Variants in GPNMB observed in about 807,000 individuals in gnomAD.
The protein encoded by GPNMB is transmembrane glycoprotein NMB.
GPNMB carries 71 observed loss-of-function variants against 57.3 expected under a neutral mutation model. That is an observed-to-expected ratio of 1.24 (90% CI 1.02 to 1.51). The LOEUF is 1.51. GPNMB is among the 40% of genes most tolerant of loss of function. The pLI is 0.00. For synonymous variants in GPNMB, 253 were observed against 263.2 expected (o/e 0.96, Z 0.38); for missense variants, 677 against 691.9 (o/e 0.98, Z 0.24).
chr7:23,253,494 T>C (rs574394407), intron 2 of GPNMB, 35 bp downstream of exon 2: 8 of 1,580,060 alleles, frequency 5.1e-6, no homozygotes, highest in Admixed American at 1.7e-5. Context: ...CACCTGCAAT[T>C]TCCTACTTCA....
intron 8 of GPNMB, among the ~76,000 whole-genome samples, chr7:23,269,736 A>G (rs1428150901): frequency 6.6e-6 from 1 of 151,596 alleles, no homozygotes; most frequent in East Asian, 1.9e-4. Context: ...TTTCTCCTCC[A>G]CCCCAGGGCC....
chr7:23,263,516 G>T (rs1259945841), intron 6 of GPNMB, among the ~76,000 whole-genome samples: 2 of 151,654 alleles, frequency 1.3e-5, no homozygotes, highest in Non-Finnish European at 2.9e-5. Flanking sequence ...GGAGGCTGAG[G>T]CAGAAGAATC....
At position 23,260,541 on chromosome 7, in the gene GPNMB, G is replaced by T. The variant is rs1382142670; in HGVS notation, c.786G>T (p.Met262Ile). ...DETFLKDLPI[M>I]FDVLIHDPSH... ...CCTTCCTCAAAGATCTCCCCATTAT[G>T]TTTGATGTCCTGATTCATGATCCTA... Residue 262 changes from methionine (M) to isoleucine (I), a missense_variant, in exon 6 of 11, where the codon ATG (methionine) becomes ATT (isoleucine). Coordinates refer to ENST00000258733, the MANE Select transcript of GPNMB (RefSeq NM_002510.3). 9.9e-6 allele frequency: 16 copies of T among 1,613,390 alleles called. No individual in the cohort carries two copies. The highest frequency in any genetic ancestry group is 1.3e-5 in the Non-Finnish European group (15 of 1,179,492).
chr7:23,252,781 A>G (rs374690366), intron 1 of GPNMB, among the ~76,000 whole-genome samples: 4 of 152,212 alleles, frequency 2.6e-5, no homozygotes, highest in African/African-American at 4.8e-5. Flanking sequence ...TTAAAAAGAA[A>G]ACACTCTACC....
At chr7:23,266,474 T>A (rs1783064413) in intron 6 of GPNMB, 43 bp from the exon 7 acceptor site, 1 of 1,595,668 alleles carries the variant, frequency 6.3e-7, no homozygotes, top group Non-Finnish European at 8.5e-7. Context: ...ATCTTTTATG[T>A]TCGTAGCAAC....
At position 23,253,380 on chromosome 7, in the gene GPNMB, T is replaced by C; in HGVS notation, c.144T>C (p.Ser48=). Reference sequence around the variant, plus strand: ...AGCACAATCAATTAAATGGCTGGTCTTCTGATGAAAATGACTGGAATGAAA... The same window carrying C: ...AGCACAATCAATTAAATGGCTGGTCCTCTGATGAAAATGACTGGAATGAAA... The part of the protein sequence containing the change: ...MREHNQLNGW[S]SDENDWNEKL... The change falls in exon 2 of 11, where the codon TCT becomes TCC. Residue 48 remains serine, a synonymous_variant. Coordinates refer to ENST00000258733, the MANE Select transcript of GPNMB (RefSeq NM_002510.3). 6.2e-7 allele frequency: 1 copy of C among 1,613,962 alleles called. No individual in the cohort carries two copies. Among genetic ancestry groups the C allele is most frequent in the Non-Finnish European group, 8.5e-7 (1 of 1,179,818 alleles).
intron 4 of GPNMB, 42 bp downstream of exon 4, chr7:23,257,107 T>G (rs1262991528): frequency 1.3e-6 from 2 of 1,538,312 alleles, no homozygotes; most frequent in Non-Finnish European, 9.0e-7. Context: ...TTACCTTTCC[T>G]TAAAATTTCA....
chr7:23,273,413 C>A, intron 9 of GPNMB, 108 bp from the exon 10 acceptor site: 1 of 712,856 alleles, frequency 1.4e-6, no homozygotes, highest in South Asian at 1.6e-5. Context: ...CCAGAGGGAG[C>A]CATATATCTT....
Position 23,267,912 on chromosome 7 carries a change from C to T in GPNMB, c.1144C>T (p.Gln382Ter). 1 of 1,612,634 alleles carries T rather than the reference C, an allele frequency of 6.2e-7. No individual in the cohort carries two copies. The highest frequency in any genetic ancestry group is 8.5e-7 in the Non-Finnish European group (1 of 1,178,656). ...GGGAATCTTAGAGGTTAACATCATC[C>T]AGATGACAGACGTCCTGATGCCGGT... is the stretch of plus-strand genomic sequence containing the variant. ...VEGILEVNII[Q>*]MTDVLMPVPW... The change falls in exon 8 of 11, where the codon CAG (glutamine) becomes TAG (stop). Residue 382 changes from glutamine (Q) to a stop codon, truncating the protein, a stop_gained. Transcript: ENST00000258733. LOFTEE classifies it high-confidence loss of function.
chr7:23,263,586 T>A, intron 6 of GPNMB, among the ~76,000 whole-genome samples: 1 of 139,024 alleles, frequency 7.2e-6, no homozygotes, highest in East Asian at 2.1e-4. Flanking sequence ...CACTCCAGCC[T>A]GGGCGACAAG....
chr7:23,269,602 T>C (rs1210817269), intron 8 of GPNMB, among the ~76,000 whole-genome samples: 1 of 152,220 alleles, frequency 6.6e-6, no homozygotes, highest in Non-Finnish European at 1.5e-5. Flanking sequence ...TCTAATAATA[T>C]GTCTGCCTAA....
At chr7:23,272,296 C>T (rs756356638) in intron 9 of GPNMB, among the ~76,000 whole-genome samples, 15 of 152,266 alleles carry the variant, frequency 9.9e-5, no homozygotes, top group Admixed American at 5.2e-4. Flanking sequence ...TGAGTGATAA[C>T]TTTAGGTGGG....
chr7:23,259,843 T>C lies in GPNMB; in HGVS notation c.542-137T>C, dbSNP rs74696841. 9.6e-3 allele frequency: 6,655 copies of C among 689,974 alleles called. 205 individuals are homozygous for C. The highest frequency in any genetic ancestry group is 0.08 in the African/African-American group (4,493 of 55,924). The allele number at this position is 689,974 out of a possible 1,614,324, so 42.7% of individuals were successfully genotyped here. On this transcript the variant is annotated intron_variant, in intron 4 of 10. Coordinates refer to ENST00000258733, the MANE Select transcript of GPNMB (RefSeq NM_002510.3). Reference sequence around the variant, plus strand: ...TTAAAATGAGCACCATCTCCCTTTCTGAAGCAGCACCACAGGCCCATCCTA... The same window carrying C: ...TTAAAATGAGCACCATCTCCCTTTCCGAAGCAGCACCACAGGCCCATCCTA...
intron 1 of GPNMB, among the ~76,000 whole-genome samples, chr7:23,252,379 A>C (rs368175640): frequency 1.1e-4 from 17 of 152,254 alleles, no homozygotes; most frequent in African/African-American, 4.1e-4. Context: ...ACAGGTTTAA[A>C]ATGTAAGGAT....
chr7:23,274,127 T>G lies in GPNMB; in HGVS notation c.1586T>G (p.Leu529Arg). 6.2e-7 allele frequency: 1 copy of G among 1,612,958 alleles called. No homozygotes were observed. The highest frequency in any genetic ancestry group is 1.7e-4 in the Middle Eastern group (1 of 6,060). ...SPGNVVRSKG[L>R]SVFLNRAKAV... is the part of the protein sequence containing the mutation. The stretch of plus-strand genomic sequence containing the variant: ...GGGAATGTGGTCAGAAGCAAAGGCC[T>G]GAGTGTCTTTCTCAACCGTGCAAAA... Residue 529 changes from leucine to arginine, a missense_variant, in exon 11 of 11, where the codon CTG (leucine) becomes CGG (arginine). Coordinates refer to ENST00000258733, the MANE Select transcript of GPNMB (RefSeq NM_002510.3).
At chr7:23,257,489 T>C (rs1029195021) in intron 4 of GPNMB, 18 of 260,784 alleles carry the variant, frequency 6.9e-5, no homozygotes, top group African/African-American at 4.1e-4. Context: ...CTGGCCAACA[T>C]GGTGAAGTCC....
intron 4 of GPNMB, 103 bp downstream of exon 4, chr7:23,257,168 T>C (rs1489754537): frequency 9.7e-7 from 1 of 1,031,172 alleles, no homozygotes; most frequent in East Asian, 2.4e-5. Flanking sequence ...AGAGAGTTAA[T>C]AACAGTCACC....
At chr7:23,265,711 T>C (rs1162238706) in intron 6 of GPNMB, among the ~76,000 whole-genome samples, 2 of 152,028 alleles carry the variant, frequency 1.3e-5, no homozygotes, top group East Asian at 3.9e-4. Flanking sequence ...TTTTATATAC[T>C]TTATCTCATT....
chr7:23,266,609 A>G lies in GPNMB; in HGVS notation c.1111A>G (p.Ile371Val), dbSNP rs1203591056. Residue 371 changes from isoleucine (I) to valine (V), a missense_variant, in exon 7 of 11, where the codon ATT (isoleucine) becomes GTT (valine). Transcript: ENST00000258733. The part of the protein sequence containing the change: ...RYGHFQATIT[I>V]VEGILEVNII... ...TGGCCACTTTCAAGCCACCATCACA[A>G]TTGTAGGTAAGGCTGAAGATGATGA... is the stretch of plus-strand genomic sequence containing the variant. 2 of 1,613,756 alleles carry G rather than the reference A, an allele frequency of 1.2e-6. No homozygotes were observed. Among genetic ancestry groups the G allele is most frequent in the Non-Finnish European group, 1.7e-6 (2 of 1,179,790 alleles).
Sources: gnomAD v4.1 joint callset for allele counts (sites outside exome capture counted in the v4.1 genomes callset) on GRCh38, gnomAD v4.1.1 for gene constraint, MANE v1.5 for transcripts, NCBI Gene and HGNC (gene_info 2026-07-23, HGNC 2026-07-21) for gene names.